The following MAF variants were observed in gnomAD, a reference collection of about 807,000 sequenced individuals.
MAF encodes the protein transcription factor Maf.
A neutral mutation model predicts 22.0 loss-of-function variants in MAF; 10 were observed. The ratio of observed to expected loss-of-function variants is 0.45; its 90% CI spans 0.28 to 0.77. The LOEUF is 0.77. MAF is among the 30% of genes least tolerant of loss of function. MAF has a pLI of 0.12. For missense variants in MAF, 544 were observed against 548.4 expected, an observed-to-expected ratio of 0.99 and a Z score of 0.08; for synonymous variants, 337 against 255.8, an observed-to-expected ratio of 1.32 and a Z score of -3.03.
chr16:79,557,665 A>G, the MAF span, among the ~76,000 whole-genome samples: 1 of 152,104 alleles, frequency 6.6e-6, no homozygotes, highest in Non-Finnish European at 1.5e-5. Context: ...GACCTGTGTC[A>G]TACCTAAACA....
At chr16:79,389,969 T>A in the MAF span, among the ~76,000 whole-genome samples, 63 of 78,532 alleles carry the variant, frequency 8.0e-4, 1 homozygote, top group Non-Finnish European at 1.2e-3. Flanking sequence ...ACAGCGAGAC[T>A]CCATCTCAAA....
the MAF span, among the ~76,000 whole-genome samples, chr16:79,550,009 G>A: frequency 1.3e-5 from 2 of 152,146 alleles, no homozygotes; most frequent in Non-Finnish European, 2.9e-5. Context: ...ACTGAGGCAG[G>A]AGAAGCTTCT....
the MAF span, among the ~76,000 whole-genome samples, chr16:79,224,717 TAGAC>T: frequency 4.6e-5 from 7 of 151,922 alleles, no homozygotes; most frequent in Admixed American, 2.6e-4. Context: ...ACACCAATAA[TAGAC>T]AAACAAGAGA....
the MAF span, among the ~76,000 whole-genome samples, chr16:79,372,590 TG>T: frequency 6.6e-6 from 1 of 152,208 alleles, no homozygotes; most frequent in South Asian, 2.1e-4. Context: ...GGTGACCTAC[TG>T]GGGCATCTTA....
At chr16:79,455,958 C>T in the MAF span, among the ~76,000 whole-genome samples, 1 of 152,068 alleles carries the variant, frequency 6.6e-6, no homozygotes, top group Non-Finnish European at 1.5e-5. Flanking sequence ...ACGGAGGTTG[C>T]AGTGAGCCAA....
the MAF span, among the ~76,000 whole-genome samples, chr16:79,220,458 T>A: frequency 6.6e-6 from 1 of 152,096 alleles, no homozygotes; most frequent in Admixed American, 6.6e-5. Context: ...TTATATTCCA[T>A]ATACACCTTG....
the MAF span, among the ~76,000 whole-genome samples, chr16:79,457,389 GT>G: frequency 1.2e-3 from 171 of 140,466 alleles, 1 homozygote; most frequent in Admixed American, 8.7e-3. Flanking sequence ...TAGCACTTTG[GT>G]TTTTTTTTTT....
At chr16:79,336,288 C>T in the MAF span, among the ~76,000 whole-genome samples, 5 of 152,174 alleles carry the variant, frequency 3.3e-5, no homozygotes, top group Non-Finnish European at 5.9e-5. Flanking sequence ...ACAACCAACG[C>T]ACAAGGGAAT....
the MAF span, among the ~76,000 whole-genome samples, chr16:79,487,206 CAAA>C: frequency 1.9e-4 from 25 of 131,698 alleles, no homozygotes; most frequent in South Asian, 2.5e-4. Flanking sequence ...TGAACTAGTG[CAAA>C]AAAAAAAAAA....
At chr16:79,431,760 G>T in the MAF span, among the ~76,000 whole-genome samples, 1 of 152,194 alleles carries the variant, frequency 6.6e-6, no homozygotes, top group South Asian at 2.1e-4. Flanking sequence ...GGACTTTTCT[G>T]CACAGAGAAA....
At chr16:79,578,573 T>A in the MAF span, among the ~76,000 whole-genome samples, 1 of 152,040 alleles carries the variant, frequency 6.6e-6, no homozygotes, top group African/African-American at 2.4e-5. Context: ...GACATGGAAA[T>A]ATAAAATGAG....
the MAF span, among the ~76,000 whole-genome samples, chr16:79,495,316 A>C: frequency 3.3e-4 from 50 of 152,094 alleles, no homozygotes; most frequent in Admixed American, 5.2e-4. Flanking sequence ...TTTTTTTTTA[A>C]ATGGGACATA....
the MAF span, among the ~76,000 whole-genome samples, chr16:79,476,080 T>A: frequency 1.3e-5 from 2 of 152,180 alleles, no homozygotes; most frequent in Non-Finnish European, 1.5e-5. Context: ...AATTTAAGCT[T>A]CCCCGAACTC....
the MAF span, among the ~76,000 whole-genome samples, chr16:79,437,063 C>A: frequency 6.6e-6 from 1 of 152,208 alleles, no homozygotes; most frequent in African/African-American, 2.4e-5. Context: ...GTATCCCCCA[C>A]ACTGTTAATA....
At chr16:79,508,367 C>T in the MAF span, among the ~76,000 whole-genome samples, 2 of 152,180 alleles carry the variant, frequency 1.3e-5, no homozygotes, top group Non-Finnish European at 1.5e-5. Context: ...GACTCCTTCC[C>T]TCTCTGTGGG....
At chr16:79,287,996 C>G in the MAF span, among the ~76,000 whole-genome samples, 2 of 152,172 alleles carry the variant, frequency 1.3e-5, no homozygotes, top group African/African-American at 4.8e-5. Context: ...GCTCCAGCAC[C>G]CTTTATTTAA....
the MAF span, among the ~76,000 whole-genome samples, chr16:79,209,011 T>C: frequency 1.3e-5 from 2 of 152,132 alleles, no homozygotes; most frequent in Non-Finnish European, 2.9e-5. Flanking sequence ...GTAGAGAAGG[T>C]CGTCTTTGCT....
At chr16:79,340,430 G>A in the MAF span, among the ~76,000 whole-genome samples, 1 of 150,768 alleles carries the variant, frequency 6.6e-6, no homozygotes, top group Non-Finnish European at 1.5e-5. Flanking sequence ...AAGAACATAG[G>A]TATTCCCAGT....
the MAF span, among the ~76,000 whole-genome samples, chr16:79,537,404 C>G: frequency 6.6e-6 from 1 of 151,838 alleles, no homozygotes; most frequent in Non-Finnish European, 1.5e-5. Context: ...ATATGTTTCA[C>G]AAGAATTCCA....
Sources: gnomAD v4.1 joint callset for allele counts (sites outside exome capture counted in the v4.1 genomes callset) on GRCh38, gnomAD v4.1.1 for gene constraint, MANE v1.5 for transcripts, NCBI Gene and HGNC (gene_info 2026-07-23, HGNC 2026-07-21) for gene names.